HEATR4: variants seen among roughly 807,000 people sequenced by gnomAD.
HEATR4 encodes HEAT repeat containing 4.
A neutral mutation model predicts 108.8 loss-of-function variants in HEATR4; 95 were observed. The ratio of observed to expected loss-of-function variants is 0.87; its 90% CI spans 0.74 to 1.04. The LOEUF (loss-of-function observed/expected upper bound fraction) is 1.04, where lower values mean the gene tolerates loss of function less well. HEATR4 is among the 50% of genes least tolerant of loss of function. HEATR4 has a pLI of 0.00. For missense variants in HEATR4, 1,152 were observed against 1,253.8 expected (o/e 0.92, Z 1.23); for synonymous variants, 443 against 459.4 (o/e 0.96, Z 0.46).
rs1187703768 is a variant in HEATR4, at chr14:73,508,304, T to C, written c.1721-10A>G. On this transcript the variant is annotated splice_polypyrimidine_tract_variant and intron_variant, in intron 8 of 17. Transcript: ENST00000553558. ...CTATCCACACTGTTACCTGCCACAG[T>C]TGGGTGAAAAAGAGTTCAGAATGGT... 6.2e-7 allele frequency: 1 copy of C among 1,613,074 alleles called. No individual in the cohort carries two copies. The highest frequency in any genetic ancestry group is 8.5e-7 in the Non-Finnish European group (1 of 1,179,734).
chr14:73,574,115 C>T, the HEATR4 span, among the ~76,000 whole-genome samples: 3,086 of 151,890 alleles, frequency 0.02, 71 homozygotes, highest in South Asian at 0.082. Flanking sequence ...AAGTGATCTG[C>T]CCACCTTGGC....
At chr14:73,549,532 T>C (rs1285951965) in intron 1 of HEATR4, among the ~76,000 whole-genome samples, 2 of 117,492 alleles carry the variant, frequency 1.7e-5, no homozygotes, top group African/African-American at 5.6e-5. Flanking sequence ...TCATAGATCC[T>C]GCAAGCCAAT....
chr14:73,609,671 C>A, the HEATR4 span, among the ~76,000 whole-genome samples: 1 of 152,196 alleles, frequency 6.6e-6, no homozygotes, highest in Admixed American at 6.6e-5. Context: ...GACAGAATCT[C>A]GCTCTGTTAC....
the HEATR4 span, among the ~76,000 whole-genome samples, chr14:73,611,882 C>A: frequency 6.6e-6 from 1 of 152,096 alleles, no homozygotes; most frequent in Non-Finnish European, 1.5e-5. Context: ...GGACGGATTA[C>A]GACCATGTTT....
intron 14 of HEATR4, 86 bp from the exon 15 acceptor site, chr14:73,496,765 G>C: frequency 1.3e-6 from 1 of 757,830 alleles, no homozygotes; most frequent in Non-Finnish European, 2.3e-6. Context: ...TTGGAATCAG[G>C]TAAGAATCCC....
At chr14:73,497,495 A>G (rs1228257241) in intron 14 of HEATR4, among the ~76,000 whole-genome samples, 1 of 152,196 alleles carries the variant, frequency 6.6e-6, no homozygotes, top group Non-Finnish European at 1.5e-5. Flanking sequence ...CAGAGTTTAA[A>G]TACCTTACAC....
chr14:73,509,247 G>C, intron 8 of HEATR4, 65 bp downstream of exon 8: 1 of 1,483,644 alleles, frequency 6.7e-7, no homozygotes, highest in South Asian at 1.2e-5. Flanking sequence ...GGAAAGGACT[G>C]GGAAAGCTGA....
intron 9 of HEATR4, among the ~76,000 whole-genome samples, chr14:73,506,825 T>TTTTTTTTC (rs60290843): frequency 1.6e-5 from 2 of 126,132 alleles, no homozygotes; most frequent in African/African-American, 6.7e-5. Flanking sequence ...TTTTTTTTTT[T>TTTTTTTTC]CTGAGAAGGT....
the HEATR4 span, chr14:73,569,983 G>A: frequency 1.1e-5 from 16 of 1,448,550 alleles, no homozygotes; most frequent in East Asian, 2.5e-5. Flanking sequence ...CCCCCGCCGC[G>A]CCCCCGGGCT....
chr14:73,498,072 A>G (rs1886207245), intron 14 of HEATR4, 83 bp downstream of exon 14: 2 of 1,317,720 alleles, frequency 1.5e-6, no homozygotes, highest in Middle Eastern at 2.8e-4. Context: ...GGTAGCCTGG[A>G]AAGGCAGGGA....
At chr14:73,592,257 AT>A in the HEATR4 span, 1 of 1,613,202 alleles carries the variant, frequency 6.2e-7, no homozygotes, top group East Asian at 2.2e-5. Flanking sequence ...GGACGTACAG[AT>A]TCCTTTTGTC....
the HEATR4 span, among the ~76,000 whole-genome samples, chr14:73,580,385 C>G: frequency 0.051 from 7,793 of 152,058 alleles, 381 homozygotes; most frequent in African/African-American, 0.11. Flanking sequence ...ATCAGTAGAA[C>G]GGTGCAGCTG....
chr14:73,496,100 A>G (rs1886091423), intron 15 of HEATR4, among the ~76,000 whole-genome samples: 1 of 152,224 alleles, frequency 6.6e-6, no homozygotes, highest in African/African-American at 2.4e-5. Context: ...ACTGCACTCC[A>G]GCCTGGGCGA....
upstream of HEATR4, among the ~76,000 whole-genome samples, chr14:73,561,462 C>G (rs756138929): frequency 3.1e-4 from 47 of 150,748 alleles, no homozygotes; most frequent in Non-Finnish European, 5.2e-4. Context: ...CTGAGGCGGA[C>G]AGATTACTCA....
In HEATR4 at chr14:73,539,213, C is replaced by T. The variant is rs1378446193; in HGVS notation, c.-151-8969G>A. 2.6e-5 allele frequency: 3 copies of T among 114,644 alleles called. 1 individual carries two copies. Among genetic ancestry groups the T allele is most frequent in the Admixed American group, 9.9e-5 (1 of 10,112 alleles). The allele number at this position is 114,644 out of a possible 1,614,324, so 7.1% of individuals were successfully genotyped here. On this transcript the variant is annotated intron_variant, in intron 1 of 17. Coordinates refer to ENST00000553558, the MANE Select transcript of HEATR4 (RefSeq NM_001220484.1). ...GCTGCAGCTGCTGCCCCCTGCAGGG[C>T]CTGTTCGTTCCTGCTGCCTAGCTCC...
chr14:73,529,365 AAAAAAAAAAAAATT>A (rs1888563324), intron 2 of HEATR4, among the ~76,000 whole-genome samples: 3 of 150,394 alleles, frequency 2.0e-5, no homozygotes, highest in Admixed American at 1.3e-4. Flanking sequence ...AAAAAAAAAA[AAAAAAAAAAAAATT>A]AAGTCAATCC....
the HEATR4 span, chr14:73,593,755 T>C: frequency 1.2e-6 from 2 of 1,613,926 alleles, no homozygotes; most frequent in Admixed American, 3.3e-5. Flanking sequence ...AGGGGGCCTC[T>C]TGGAATATCG....
chr14:73,545,256 C>G (rs565962240), intron 1 of HEATR4, among the ~76,000 whole-genome samples: 1 of 112,084 alleles, frequency 8.9e-6, no homozygotes, highest in African/African-American at 2.9e-5. Context: ...GATGGGGTCT[C>G]CCAATGTTGC....
intron 16 of HEATR4, among the ~76,000 whole-genome samples, chr14:73,494,408 C>G (rs1296011077): frequency 2.0e-5 from 3 of 152,148 alleles, no homozygotes; most frequent in Non-Finnish European, 4.4e-5. Flanking sequence ...AGTCTGTCAC[C>G]ATAATGGATA....
Sources: gnomAD v4.1 joint callset for allele counts (sites outside exome capture counted in the v4.1 genomes callset) on GRCh38, gnomAD v4.1.1 for gene constraint, MANE v1.5 for transcripts, NCBI Gene and HGNC (gene_info 2026-07-23, HGNC 2026-07-21) for gene names.